The following PTPRD variants were observed in gnomAD, a reference collection of about 807,000 sequenced individuals.
PTPRD encodes receptor-type tyrosine-protein phosphatase delta.
A neutral mutation model predicts 214.5 loss-of-function variants in PTPRD; 34 were observed. The observed-to-expected ratio is 0.16, with a 90% CI of 0.12 to 0.21. The LOEUF (loss-of-function observed/expected upper bound fraction) is 0.21. Among genes scored for constraint, PTPRD ranks in the 10% least tolerant of loss-of-function variants. The probability of loss-of-function intolerance (pLI) is 1.00; values close to 1 mark genes in which losing one functional copy is unlikely to be tolerated. For missense variants in PTPRD, 2,545 were observed against 2,398.7 expected (o/e 1.06, Z -1.27); for synonymous variants, 1,128 against 845.7 (o/e 1.33, Z -5.79).
intron 9 of PTPRD, among the ~76,000 whole-genome samples, chr9:9,345,967 G>T (rs751123407): frequency 2.6e-5 from 4 of 151,970 alleles, no homozygotes; most frequent in Non-Finnish European, 4.4e-5. Flanking sequence ...TCATTATTTT[G>T]TTAACAGTGG....
intron 2 of PTPRD, among the ~76,000 whole-genome samples, chr9:10,356,317 C>T (rs1739085376): frequency 1.3e-5 from 2 of 152,098 alleles, no homozygotes; most frequent in Admixed American, 1.3e-4. Context: ...AAAGGTCAAT[C>T]TGATGACTTT....
At chr9:10,418,914 C>T (rs1374009778) in intron 2 of PTPRD, among the ~76,000 whole-genome samples, 1 of 151,800 alleles carries the variant, frequency 6.6e-6, no homozygotes, top group African/African-American at 2.4e-5. Flanking sequence ...GGAAAGAGGG[C>T]CTAGAGCTGG....
intron 3 of PTPRD, among the ~76,000 whole-genome samples, chr9:10,231,292 G>C (rs1186344190): frequency 6.6e-6 from 1 of 151,672 alleles, no homozygotes; most frequent in South Asian, 2.1e-4. Flanking sequence ...ATAGCACATG[G>C]AATAGAGAGA....
chr9:8,682,069 C>T lies in PTPRD; in HGVS notation c.65-45225G>A, dbSNP rs539425286. ...TAGCCCACATTTATGAACATATGTA[C>T]GTAAAAAATTCAATGAGACAGCAAA... On this transcript the variant is annotated intron_variant, in intron 12 of 45. Transcript: ENST00000381196. Among the ~76,000 whole-genome samples, 51 of 152,088 alleles carry T rather than the reference C, an allele frequency of 3.4e-4. 1 individual carries two copies. Among genetic ancestry groups the T allele is most frequent in the Non-Finnish European group, 4.3e-4 (29 of 67,994 alleles).
At chr9:9,556,542 C>T (rs971907677) in intron 8 of PTPRD, among the ~76,000 whole-genome samples, 1 of 152,184 alleles carries the variant, frequency 6.6e-6, no homozygotes, top group Non-Finnish European at 1.5e-5. Flanking sequence ...CACTTTGAAT[C>T]TAACTTGCCC....
intron 10 of PTPRD, among the ~76,000 whole-genome samples, chr9:9,022,215 A>G (rs2099572377): frequency 6.6e-6 from 1 of 152,068 alleles, no homozygotes; most frequent in South Asian, 2.1e-4. Context: ...TTGAAGAAAG[A>G]AAATATTTTA....
chr9:8,774,527 C>CT lies in PTPRD; in HGVS notation c.-103-40582dup, dbSNP rs564318443. 4.7e-3 allele frequency among the ~76,000 whole-genome samples: 496 copies of CT among 105,192 alleles called. 10 individuals are homozygous for CT. The highest frequency in any genetic ancestry group is 9.0e-3 in the East Asian group (34 of 3,784). 69.0% of individuals were successfully genotyped at this position (105,192 alleles called of 152,430 possible). A position where few individuals can be genotyped will look rare whatever the true frequency, so the allele number is the denominator to read the frequency against. On this transcript the variant is annotated intron_variant, in intron 11 of 45. Transcript: ENST00000381196. ...TAACCAAAATGCATGTGAAAAGTAACTTTTTTTTTTTTTTTTTTTTTTTTG... is the reference window on the plus strand; with the variant it reads ...TAACCAAAATGCATGTGAAAAGTAACTTTTTTTTTTTTTTTTTTTTTTTTTG...
intron 44 of PTPRD, among the ~76,000 whole-genome samples, chr9:8,321,199 A>T (rs1283634572): frequency 6.6e-6 from 1 of 151,782 alleles, no homozygotes; most frequent in Non-Finnish European, 1.5e-5. Context: ...AGAAACTGAG[A>T]TTTATTATCT....
At chr9:9,373,044 A>G (rs2059935299) in intron 9 of PTPRD, among the ~76,000 whole-genome samples, 1 of 152,076 alleles carries the variant, frequency 6.6e-6, no homozygotes, top group Admixed American at 6.6e-5. Context: ...AATGTTATGT[A>G]TCTTTAATTG....
At chr9:9,467,354 A>G (rs1304578916) in intron 8 of PTPRD, among the ~76,000 whole-genome samples, 3 of 150,618 alleles carry the variant, frequency 2.0e-5, no homozygotes, top group Admixed American at 2.0e-4. Context: ...TTGGGAGGCC[A>G]AGGCTGATGG....
At chr9:9,897,277 C>T (rs994428075) in intron 5 of PTPRD, among the ~76,000 whole-genome samples, 1 of 151,944 alleles carries the variant, frequency 6.6e-6, no homozygotes, top group Non-Finnish European at 1.5e-5. Flanking sequence ...CCACAGTTGA[C>T]TCTGACTTAC....
intron 3 of PTPRD, among the ~76,000 whole-genome samples, chr9:10,183,289 G>A (rs560477540): frequency 6.6e-6 from 1 of 152,220 alleles, no homozygotes; most frequent in East Asian, 1.9e-4. Context: ...GAACAAGGCA[G>A]GAGAAAAGAA....
At chr9:9,576,897 A>T (rs2089040597) in intron 7 of PTPRD, among the ~76,000 whole-genome samples, 1 of 152,158 alleles carries the variant, frequency 6.6e-6, no homozygotes, top group Non-Finnish European at 1.5e-5. Context: ...AGAATGATGG[A>T]ATTTCAACAT....
chr9:9,825,874 T>C (rs1360751730), intron 5 of PTPRD, among the ~76,000 whole-genome samples: 1 of 151,800 alleles, frequency 6.6e-6, no homozygotes, highest in East Asian at 1.9e-4. Flanking sequence ...TTTCCATAGG[T>C]GTCCAAATGA....
At chr9:9,160,443 C>G (rs1431357415) in intron 10 of PTPRD, among the ~76,000 whole-genome samples, 1 of 152,074 alleles carries the variant, frequency 6.6e-6, no homozygotes, top group Admixed American at 6.6e-5. Context: ...TGCTCAGTAT[C>G]ACTAATCATT....
chr9:9,057,803 A>G (rs1569515864), intron 10 of PTPRD, among the ~76,000 whole-genome samples: 1 of 152,174 alleles, frequency 6.6e-6, no homozygotes, highest in Non-Finnish European at 1.5e-5. Context: ...ACATTTTCCT[A>G]CTGCCACTAA....
At chr9:9,925,767 G>A (rs1468084666) in intron 5 of PTPRD, among the ~76,000 whole-genome samples, 2 of 151,638 alleles carry the variant, frequency 1.3e-5, no homozygotes, top group East Asian at 1.9e-4. Context: ...TTGTTTCATT[G>A]TAATGCTAGA....
At chr9:10,532,026 C>A (rs1241338655) in intron 2 of PTPRD, 3 of 152,004 alleles carry the variant, frequency 2.0e-5, no homozygotes, top group Non-Finnish European at 4.4e-5. Context: ...AATTACTCTC[C>A]CACTTGTTGG....
At chr9:9,027,468 C>A (rs1210847088) in intron 10 of PTPRD, among the ~76,000 whole-genome samples, 2 of 151,888 alleles carry the variant, frequency 1.3e-5, no homozygotes, top group Non-Finnish European at 2.9e-5. Context: ...AAATTACTCT[C>A]ATAAATATAA....
Sources: allele counts gnomAD v4.1 joint callset (sites outside exome capture counted in the v4.1 genomes callset), GRCh38; gene constraint gnomAD v4.1.1; transcripts MANE v1.5; gene names NCBI Gene and HGNC (gene_info 2026-07-23, HGNC 2026-07-21).